The following LSAMP variants were observed in gnomAD, a reference collection of about 807,000 sequenced individuals.
LSAMP encodes limbic system-associated membrane protein.
In LSAMP, 7 loss-of-function variants were observed where a neutral mutation model predicts 38.6. The ratio of observed to expected loss-of-function variants is 0.18; its 90% confidence interval spans 0.10 to 0.34. The LOEUF is 0.34. Ranked by LOEUF, LSAMP falls within the 10% of genes least tolerant of loss-of-function variation. The probability of loss-of-function intolerance (pLI) is 1.00; values close to 1 mark genes in which losing one functional copy is unlikely to be tolerated. For missense variants in LSAMP, 313 were observed against 420.0 expected (o/e 0.75, Z 2.23); for synonymous variants, 154 against 166.8 (o/e 0.92, Z 0.59).
chr3:116,340,866 T>A lies in LSAMP; in HGVS notation c.155+104011A>T, dbSNP rs1226193980. Among the ~76,000 whole-genome samples the A allele has an allele frequency of 2.0e-5, 3 of 152,072 alleles. No individual in the cohort carries two copies. In the South Asian group the frequency reaches 6.2e-4, roughly 31 times the overall value. On this transcript the variant is annotated intron_variant, in intron 1 of 6. Transcript: ENST00000490035. ...TGTCTAGACTCTCTGAAAGTGATAC[T>A]ACATAACCACATCCAGTTGGGCAAT...
At position 116,019,557 on chromosome 3, in the gene LSAMP, G is replaced by A. The variant is rs1447281259; in HGVS notation, c.472C>T (p.Arg158Cys). 2.5e-6 allele frequency: 4 copies of A among 1,612,884 alleles called. No individual in the cohort carries two copies. The highest frequency in any genetic ancestry group is 1.7e-5 in the Admixed American group (1 of 60,004). ...CTCCAGGTGATAACAGGTTCAGGAC[G>A]GCCATTGGCCATGCAGACCAGAGTC... is the stretch of plus-strand genomic sequence containing the variant. ...NVTLVCMANG[R>C]PEPVITWRHL... The change falls in exon 3 of 7, where the codon CGT becomes TGT. Residue 158 changes from arginine (R) to cysteine (C), a missense_variant. Transcript: ENST00000490035.
At chr3:116,280,085 C>T (rs997301913) in intron 1 of LSAMP, among the ~76,000 whole-genome samples, 1 of 152,124 alleles carries the variant, frequency 6.6e-6, no homozygotes, top group African/African-American at 2.4e-5. Context: ...GTAAACTTTT[C>T]ACTCTGGTGT....
At chr3:116,351,970 A>T (rs1381910240) in intron 1 of LSAMP, among the ~76,000 whole-genome samples, 2 of 152,106 alleles carry the variant, frequency 1.3e-5, no homozygotes, top group Non-Finnish European at 2.9e-5. Context: ...AAAGTGTGTA[A>T]AATAGCACTT....
chr3:116,159,917 T>A (rs554638709), intron 1 of LSAMP, among the ~76,000 whole-genome samples: 1 of 142,386 alleles, frequency 7.0e-6, no homozygotes, highest in Non-Finnish European at 1.5e-5. Context: ...TGAGATCATG[T>A]TTTTTTGCAG....
chr3:115,979,723 T>C (rs1204388714), intron 3 of LSAMP, among the ~76,000 whole-genome samples: 1 of 152,096 alleles, frequency 6.6e-6, no homozygotes, highest in Non-Finnish European at 1.5e-5. Flanking sequence ...GTTCCACGAA[T>C]AGTAATTCTG....
intron 2 of LSAMP, among the ~76,000 whole-genome samples, chr3:116,080,402 T>C (rs927037604): frequency 6.6e-6 from 1 of 152,226 alleles, no homozygotes; most frequent in African/African-American, 2.4e-5. Flanking sequence ...AAAAGCAGTT[T>C]AGATTAGAAA....
chr3:116,164,993 T>C (rs1191025547), intron 1 of LSAMP, among the ~76,000 whole-genome samples: 2 of 152,004 alleles, frequency 1.3e-5, no homozygotes, highest in African/African-American at 2.4e-5. Flanking sequence ...TGTTACTTTT[T>C]TAAAGCCCCT....
At chr3:115,815,591 C>A (rs926266100) in intron 6 of LSAMP, among the ~76,000 whole-genome samples, 2 of 152,144 alleles carry the variant, frequency 1.3e-5, no homozygotes, top group South Asian at 2.1e-4. Flanking sequence ...TAGTCCAATA[C>A]GTAGAACTTC....
chr3:115,951,490 T>A (rs1168592437), intron 3 of LSAMP, among the ~76,000 whole-genome samples: 3 of 152,124 alleles, frequency 2.0e-5, no homozygotes, highest in Admixed American at 2.0e-4. Context: ...CTTGATTGGA[T>A]TGAAGGATGC....
intron 1 of LSAMP, among the ~76,000 whole-genome samples, chr3:116,254,105 T>A (rs1427329005): frequency 2.6e-5 from 4 of 152,138 alleles, no homozygotes. Context: ...TAAATATATG[T>A]GGAATACTCT....
intron 1 of LSAMP, among the ~76,000 whole-genome samples, chr3:116,260,412 TAATG>T (rs1310674071): frequency 6.6e-6 from 1 of 151,862 alleles, no homozygotes; most frequent in Non-Finnish European, 1.5e-5. Flanking sequence ...ATATAAATAA[TAATG>T]AACTGCTATA....
chr3:115,938,665 A>G (rs1937793120), intron 3 of LSAMP, among the ~76,000 whole-genome samples: 1 of 152,198 alleles, frequency 6.6e-6, no homozygotes, highest in Non-Finnish European at 1.5e-5. Flanking sequence ...TTCAGGTACG[A>G]AAGAAGATGC....
intron 1 of LSAMP, among the ~76,000 whole-genome samples, chr3:116,098,463 C>T (rs114670311): frequency 6.6e-6 from 1 of 152,160 alleles, no homozygotes; most frequent in Non-Finnish European, 1.5e-5. Flanking sequence ...TGCGCCATTG[C>T]AGCCTTGGCA....
intron 3 of LSAMP, among the ~76,000 whole-genome samples, chr3:115,980,558 T>C (rs2107626193): frequency 6.6e-6 from 1 of 152,272 alleles, no homozygotes; most frequent in East Asian, 1.9e-4. Context: ...TCCCTTTGGT[T>C]CTGGTTTTAT....
chr3:116,058,741 A>G (rs1941536770), intron 2 of LSAMP, among the ~76,000 whole-genome samples: 1 of 152,182 alleles, frequency 6.6e-6, no homozygotes, highest in African/African-American at 2.4e-5. Flanking sequence ...TTAGATACTC[A>G]AATTCAGAAC....
chr3:116,227,645 A>G (rs1215102327), intron 1 of LSAMP, among the ~76,000 whole-genome samples: 4 of 146,634 alleles, frequency 2.7e-5, no homozygotes, highest in Non-Finnish European at 4.5e-5. Context: ...TATTTTTCCT[A>G]TTATCATCTT....
chr3:116,337,080 A>G (rs2047929470), intron 1 of LSAMP, among the ~76,000 whole-genome samples: 1 of 151,974 alleles, frequency 6.6e-6, no homozygotes, highest in African/African-American at 2.4e-5. Flanking sequence ...ACAAAACGAC[A>G]CATACTATCA....
intron 1 of LSAMP, among the ~76,000 whole-genome samples, chr3:116,432,190 T>C (rs1293219121): frequency 6.6e-6 from 1 of 151,964 alleles, no homozygotes; most frequent in Non-Finnish European, 1.5e-5. Context: ...GTATAAGTGA[T>C]GCAACAAATT....
In LSAMP at chr3:116,169,207, C is replaced by T. The variant is rs911299279; in HGVS notation, c.156-82651G>A. Among the ~76,000 whole-genome samples the T allele has an allele frequency of 6.6e-5, 10 of 151,878 alleles. No individual in the cohort carries two copies. In the South Asian group the frequency reaches 1.5e-3, roughly 22 times the overall value. ...TGACAGATTGAGACCCTGTCTCTCACGATAATAGATAAATAAATAGCTCTG... is the reference window on the plus strand; with the variant it reads ...TGACAGATTGAGACCCTGTCTCTCATGATAATAGATAAATAAATAGCTCTG... On this transcript the variant is annotated intron_variant, in intron 1 of 6. Transcript: ENST00000490035.
Sources: allele counts gnomAD v4.1 joint callset (sites outside exome capture counted in the v4.1 genomes callset), GRCh38; gene constraint gnomAD v4.1.1; transcripts MANE v1.5; gene names NCBI Gene and HGNC (gene_info 2026-07-23, HGNC 2026-07-21).